MAGI2: variants seen among roughly 807,000 people sequenced by gnomAD.
MAGI2 encodes membrane associated guanylate kinase, WW and PDZ domain containing 2.
Under a neutral mutation model 133.3 loss-of-function variants are expected in MAGI2, and 35 were observed. The ratio of observed to expected loss-of-function variants is 0.26; its 90% CI spans 0.20 to 0.35. MAGI2 has a LOEUF of 0.35. Ranked by LOEUF, MAGI2 falls within the 10% of genes least tolerant of loss-of-function variation. The pLI is 1.00. For synonymous variants in MAGI2, 729 were observed against 710.6 expected (o/e 1.03, Z -0.41); for missense variants, 1,636 against 1,863.4 (o/e 0.88, Z 2.25).
At chr7:78,855,644 C>T (rs1793568542) in intron 2 of MAGI2, among the ~76,000 whole-genome samples, 1 of 152,164 alleles carries the variant, frequency 6.6e-6, no homozygotes, top group African/African-American at 2.4e-5. Flanking sequence ...TTTCTTAATC[C>T]TGTCTATTAC....
chr7:79,194,602 A>G (rs1218089279), intron 1 of MAGI2, among the ~76,000 whole-genome samples: 1 of 151,962 alleles, frequency 6.6e-6, no homozygotes, highest in Non-Finnish European at 1.5e-5. Context: ...TCTAGTTAAA[A>G]GGTTTTTGTA....
chr7:79,011,696 G>C (rs1281428327), intron 1 of MAGI2, among the ~76,000 whole-genome samples: 2 of 152,104 alleles, frequency 1.3e-5, no homozygotes, highest in East Asian at 3.9e-4. Flanking sequence ...TACTCATCCT[G>C]TGCTTCAGTC....
At position 79,096,030 on chromosome 7, in the gene MAGI2, G is replaced by A. The variant is rs139875292; in HGVS notation, c.302-88824C>T. Among the ~76,000 whole-genome samples the A allele has an allele frequency of 2.0e-5, 3 of 152,216 alleles. No individual in the cohort carries two copies. In the East Asian group the frequency reaches 5.8e-4, roughly 29 times the overall value. ...GGTCCAGAGCAGGGGGCAGGGCTGT[G>A]CCTGAGGATGGAAGTGTGCTATTTA... On this transcript the variant is annotated intron_variant, in intron 1 of 21. Coordinates refer to ENST00000354212, the MANE Select transcript of MAGI2 (RefSeq NM_012301.4).
rs574254886 is a variant in MAGI2 at position 79,084,650 on chromosome 7, G to C, written c.302-77444C>G. On this transcript the variant is annotated intron_variant, in intron 1 of 21. Coordinates refer to ENST00000354212, the MANE Select transcript of MAGI2 (RefSeq NM_012301.4). The stretch of plus-strand genomic sequence containing the variant: ...TGACATGTTTATAGATGTCTGTTAG[G>C]TTTATTTGATTTATAATGATAGTGA... 1.1e-4 allele frequency among the ~76,000 whole-genome samples: 16 copies of C among 151,846 alleles called. 1 individual carries two copies. Among genetic ancestry groups the C allele is most frequent in the African/African-American group, 2.9e-4 (12 of 41,518 alleles).
intron 1 of MAGI2, among the ~76,000 whole-genome samples, chr7:79,426,940 A>G (rs962642974): frequency 2.6e-5 from 4 of 152,152 alleles, no homozygotes; most frequent in African/African-American, 9.6e-5. Flanking sequence ...TTCTGCAGTT[A>G]GTTTTAGTCC....
chr7:79,407,877 A>C (rs1845914502), intron 1 of MAGI2, among the ~76,000 whole-genome samples: 1 of 152,082 alleles, frequency 6.6e-6, no homozygotes, highest in African/African-American at 2.4e-5. Context: ...TGTACATACA[A>C]ATCTGTTTCT....
chr7:78,698,523 C>A (rs1318678956), intron 2 of MAGI2, among the ~76,000 whole-genome samples: 1 of 152,202 alleles, frequency 6.6e-6, no homozygotes, highest in East Asian at 1.9e-4. Flanking sequence ...CCATTAGGAA[C>A]TTATGTGTCG....
intron 2 of MAGI2, among the ~76,000 whole-genome samples, chr7:78,697,652 G>A (rs1219016592): frequency 7.2e-5 from 11 of 152,012 alleles, no homozygotes; most frequent in East Asian, 1.9e-4. Context: ...TCCTCATCTC[G>A]TAGAGCAAAT....
chr7:78,769,051 C>T (rs1036720326), intron 2 of MAGI2, among the ~76,000 whole-genome samples: 2 of 152,158 alleles, frequency 1.3e-5, no homozygotes, highest in African/African-American at 2.4e-5. Flanking sequence ...AGTGTGGCTG[C>T]TGTAGCACCT....
At chr7:78,885,270 T>C (rs1199345194) in intron 2 of MAGI2, among the ~76,000 whole-genome samples, 1 of 152,150 alleles carries the variant, frequency 6.6e-6, no homozygotes. Context: ...GATATACTCA[T>C]GTAACAAACC....
intron 1 of MAGI2, among the ~76,000 whole-genome samples, chr7:79,244,116 A>G (rs1832638511): frequency 6.6e-6 from 1 of 152,230 alleles, no homozygotes; most frequent in Non-Finnish European, 1.5e-5. Context: ...TTGGCTCTCC[A>G]TGAGGTCTTT....
intron 2 of MAGI2, among the ~76,000 whole-genome samples, chr7:78,742,597 A>C (rs1032497638): frequency 3.3e-5 from 5 of 152,204 alleles, no homozygotes; most frequent in African/African-American, 1.2e-4. Flanking sequence ...AAAGAAGAAT[A>C]ATTTATTTAC....
intron 3 of MAGI2, among the ~76,000 whole-genome samples, chr7:78,624,769 A>G (rs1273856564): frequency 6.6e-6 from 1 of 152,098 alleles, no homozygotes; most frequent in African/African-American, 2.4e-5. Flanking sequence ...ACGTAACTTA[A>G]AAGTCGAAGA....
chr7:78,989,710 A>G lies in MAGI2; in HGVS notation c.418+17380T>C, dbSNP rs142001543. Among the ~76,000 whole-genome samples the G allele has an allele frequency of 5.2e-3, 788 of 152,110 alleles. 4 individuals carry two copies. Among genetic ancestry groups the G allele is most frequent in the Non-Finnish European group, 8.8e-3 (599 of 67,990 alleles). On this transcript the variant is annotated intron_variant, in intron 2 of 21. Coordinates refer to ENST00000354212, the MANE Select transcript of MAGI2 (RefSeq NM_012301.4). ...ATTCTTTCTTTCTGCCTTTAAATATATACATAGGGTGAAGAAGTGGGGGAG... is the reference window on the plus strand; with the variant it reads ...ATTCTTTCTTTCTGCCTTTAAATATGTACATAGGGTGAAGAAGTGGGGGAG...
chr7:78,369,895 C>T (rs908944668), intron 6 of MAGI2, among the ~76,000 whole-genome samples: 1 of 151,786 alleles, frequency 6.6e-6, no homozygotes, highest in Non-Finnish European at 1.5e-5. Flanking sequence ...CAGGCAAAAA[C>T]ATGCTGTCTG....
intron 2 of MAGI2, among the ~76,000 whole-genome samples, chr7:79,004,374 A>T (rs561269531): frequency 9.8e-5 from 15 of 152,328 alleles, no homozygotes; most frequent in African/African-American, 3.1e-4. Context: ...CAAAAATAAC[A>T]TGTTCTTACT....
At chr7:79,443,287 T>C (rs200483162) in intron 1 of MAGI2, among the ~76,000 whole-genome samples, 11 of 46,514 alleles carry the variant, frequency 2.4e-4, no homozygotes, top group East Asian at 2.2e-3. Context: ...TGTGTGTGCG[T>C]GTGTGTGTGT....
At chr7:78,924,108 G>A (rs1321114352) in intron 2 of MAGI2, among the ~76,000 whole-genome samples, 1 of 152,120 alleles carries the variant, frequency 6.6e-6, no homozygotes, top group East Asian at 1.9e-4. Context: ...AGACAATGGG[G>A]TTTTCTAGAT....
At chr7:78,293,865 C>T (rs549165476) in intron 9 of MAGI2, among the ~76,000 whole-genome samples, 14 of 152,240 alleles carry the variant, frequency 9.2e-5, no homozygotes, top group African/African-American at 3.4e-4. Flanking sequence ...TGTTCTCACT[C>T]ATAGGTGGGA....
Sources: allele counts gnomAD v4.1 joint callset (sites outside exome capture counted in the v4.1 genomes callset), GRCh38; gene constraint gnomAD v4.1.1; transcripts MANE v1.5; gene names NCBI Gene and HGNC (gene_info 2026-07-23, HGNC 2026-07-21).